The following BTBD8 variants were observed in gnomAD, a reference collection of about 807,000 sequenced individuals.
BTBD8 encodes the protein BTB/POZ domain-containing protein 8.
Under a neutral mutation model 162.9 loss-of-function variants are expected in BTBD8, and 110 were observed. The ratio of observed to expected loss-of-function variants is 0.68; its 90% CI spans 0.58 to 0.79. BTBD8 has a LOEUF of 0.79. Ranked by LOEUF, BTBD8 falls within the 30% of genes least tolerant of loss-of-function variation. The pLI is 0.00. For missense variants in BTBD8, 1,905 were observed against 2,085.4 expected, an observed-to-expected ratio of 0.91 and a Z score of 1.68; for synonymous variants, 667 against 716.1, an observed-to-expected ratio of 0.93 and a Z score of 1.10.
Position 92,182,200 on chromosome 1 carries a change from G to C in BTBD8, c.4517G>C (p.Ser1506Thr). ...GAATGTAAACAAAATAAAGGCAATA[G>C]TGTATGTAAAAATGAAAGCACTGTC... ...ILECKQNKGN[S>T]VCKNESTVLD... The change falls in exon 17 of 18, where the codon AGT (serine) becomes ACT (threonine). Residue 1506 changes from serine (S) to threonine (T), a missense_variant. This residue lies in a region of BTBD8 where 517 missense variants were observed against 606.6 expected (regional missense o/e 0.85). Coordinates refer to ENST00000636805, the MANE Select transcript of BTBD8 (RefSeq NM_001376131.1). 3.2e-6 allele frequency: 5 copies of C among 1,550,600 alleles called. No individual in the cohort carries two copies. Among genetic ancestry groups the C allele is most frequent in the Non-Finnish European group, 4.4e-6 (5 of 1,146,678 alleles).
intron 9 of BTBD8, among the ~76,000 whole-genome samples, chr1:92,149,592 G>A (rs1292949419): frequency 2.0e-5 from 3 of 152,144 alleles, no homozygotes; most frequent in African/African-American, 7.2e-5. Flanking sequence ...TAGTTAGAGT[G>A]GCCAAAAGAG....
At position 92,168,801 on chromosome 1, in the gene BTBD8, GAAT is replaced by G. The variant is rs1328091275; in HGVS notation, c.1444-61_1444-59del. The G allele has an allele frequency of 2.1e-6, 3 of 1,414,496 alleles. No homozygotes were observed. The African/African-American group carries it at 4.2e-5, about 20-fold the overall frequency. The allele number at this position is 1,414,496 out of a possible 1,614,324, so 87.6% of individuals were successfully genotyped here. A position where few individuals can be genotyped will look rare whatever the true frequency, so the allele number is the denominator to read the frequency against. On this transcript the variant is annotated intron_variant, in intron 11 of 17. Transcript: ENST00000636805. The stretch of plus-strand genomic sequence containing the variant: ...CTTAGGAGTAAGTAGATTCTGAAAG[GAAT>G]AATGACTGGTTGCTATGACAATGTG...
chr1:92,118,975 G>A (rs1052562945), intron 4 of BTBD8, among the ~76,000 whole-genome samples: 8 of 151,038 alleles, frequency 5.3e-5, no homozygotes, highest in African/African-American at 2.0e-4. Context: ...AAAGACAAAC[G>A]ATACACCTAT....
intron 9 of BTBD8, among the ~76,000 whole-genome samples, chr1:92,154,292 C>A (rs1650108732): frequency 6.6e-6 from 1 of 152,142 alleles, no homozygotes; most frequent in Non-Finnish European, 1.5e-5. Context: ...CAGGTTAACA[C>A]AAATACCCAG....
chr1:92,158,023 T>C (rs1328693810), intron 9 of BTBD8, among the ~76,000 whole-genome samples: 1 of 152,234 alleles, frequency 6.6e-6, no homozygotes, highest in Non-Finnish European at 1.5e-5. Context: ...AGTTTTGACT[T>C]AAGGTCTATT....
At chr1:92,131,170 C>T (rs761688181) in intron 5 of BTBD8, among the ~76,000 whole-genome samples, 1 of 152,116 alleles carries the variant, frequency 6.6e-6, no homozygotes, top group Non-Finnish European at 1.5e-5. Context: ...AGGAGATCTT[C>T]AGAAATATAC....
chr1:92,181,896 G>A lies in BTBD8; in HGVS notation c.4213G>A (p.Ala1405Thr), dbSNP rs1275945238. The A allele has an allele frequency of 6.4e-7, 1 of 1,551,336 alleles. No individual in the cohort carries two copies. The highest frequency in any genetic ancestry group is 1.2e-5 in the South Asian group (1 of 84,030). The change falls in exon 17 of 18, where the codon GCT (alanine) becomes ACT (threonine). Residue 1405 changes from alanine (A) to threonine (T), a missense_variant. Transcript: ENST00000636805. ...AGAAAATTTCTCTATATCTAACCCA[G>A]CTCCTCAGCAGTTTCAGGGAATAAT... ...VAENFSISNP[A>T]PQQFQGIINL...
rs1032513045 is a variant in BTBD8 at position 92,175,646 on chromosome 1, A to G, written c.1636-1183A>G. Among the ~76,000 whole-genome samples the G allele has an allele frequency of 9.9e-5, 15 of 151,632 alleles. 1 individual carries two copies. The highest frequency in any genetic ancestry group is 8.5e-4 in the Admixed American group (13 of 15,224). On this transcript the variant is annotated intron_variant, in intron 13 of 17. Transcript: ENST00000636805. The stretch of plus-strand genomic sequence containing the variant: ...CCTCTCTCTACTAAAATACAAAAAA[A>G]TTAGCCAAGTGTGGTGGCATGTGCC...
At chr1:92,164,787 A>G (rs748066765) in intron 9 of BTBD8, among the ~76,000 whole-genome samples, 62 of 150,626 alleles carry the variant, frequency 4.1e-4, no homozygotes, top group Non-Finnish European at 7.0e-4. Flanking sequence ...TCAGCTTCCC[A>G]AGTAGCTGGG....
At position 92,183,535 on chromosome 1, in the gene BTBD8, C is replaced by A. The variant is rs180802017; in HGVS notation, c.4913-329C>A. Among the ~76,000 whole-genome samples, 645 of 150,572 alleles carry A rather than the reference C, an allele frequency of 4.3e-3. 6 individuals carry two copies. The highest frequency in any genetic ancestry group is 0.015 in the African/African-American group (611 of 41,128). On this transcript the variant is annotated intron_variant, in intron 17 of 17. Coordinates refer to ENST00000636805, the MANE Select transcript of BTBD8 (RefSeq NM_001376131.1). ...AAAACACTATGTCTTTTTTTTTTCT[C>A]TTTTTCTATTGTAGTGAATTAGATA... is the stretch of plus-strand genomic sequence containing the variant.
chr1:92,108,440 G>A (rs1042089021), intron 4 of BTBD8, among the ~76,000 whole-genome samples: 7 of 152,208 alleles, frequency 4.6e-5, no homozygotes, highest in African/African-American at 4.8e-5. Context: ...TGAATGACAT[G>A]TATTTTCTCT....
In BTBD8 at chr1:92,089,936, A is replaced by G. The variant is rs115577812; in HGVS notation, c.347+1041A>G. ...ACTCAGAATTGTCATCAGCTAAATA[A>G]TGGGAGAAACTAGTTTAAATTAATC... On this transcript the variant is annotated intron_variant, in intron 2 of 17. Transcript: ENST00000636805. Among the ~76,000 whole-genome samples the G allele has an allele frequency of 4.0e-3, 604 of 152,318 alleles. 3 individuals carry two copies. Among genetic ancestry groups the G allele is most frequent in the African/African-American group, 0.014 (586 of 41,564 alleles).
intron 7 of BTBD8, among the ~76,000 whole-genome samples, chr1:92,142,147 G>GA (rs1328446987): frequency 2.0e-5 from 3 of 152,244 alleles, no homozygotes; most frequent in Admixed American, 6.5e-5. Context: ...TTCCTTTAAC[G>GA]AACCATTCAC....
chr1:92,165,875 C>G (rs186534734), intron 9 of BTBD8, among the ~76,000 whole-genome samples: 60 of 152,248 alleles, frequency 3.9e-4, no homozygotes, highest in African/African-American at 1.4e-3. Flanking sequence ...AGTCTAGATT[C>G]AAGACTGAGG....
At chr1:92,142,851 C>T (rs1040886284) in intron 7 of BTBD8, among the ~76,000 whole-genome samples, 3 of 152,208 alleles carry the variant, frequency 2.0e-5, no homozygotes, top group Non-Finnish European at 4.4e-5. Context: ...AAGCTAAGGA[C>T]ATCTCCCTAC....
chr1:92,181,501 G>A lies in BTBD8; in HGVS notation c.3818G>A (p.Gly1273Glu). ...AGATCTGAAGACTATGATGCTGGAG[G>A]GTCTCAGGATGATGATGGGTCAAAT... ...KPRSEDYDAG[G>E]SQDDDGSNDR... The change falls in exon 17 of 18, where the codon GGG becomes GAG. Residue 1273 changes from glycine (G) to glutamate (E), a missense_variant. Around this residue, in one of 3 missense-constraint regions of BTBD8, gnomAD observed 517 missense variants for 606.6 expected, o/e 0.85. Coordinates refer to ENST00000636805, the MANE Select transcript of BTBD8 (RefSeq NM_001376131.1). 1 of 1,551,612 alleles carries A rather than the reference G, an allele frequency of 6.4e-7. No homozygotes were observed. The highest frequency in any genetic ancestry group is 8.7e-7 in the Non-Finnish European group (1 of 1,146,960).
chr1:92,147,286 G>T lies in BTBD8; in HGVS notation c.1019+18G>T. On this transcript the variant is annotated intron_variant, in intron 8 of 17. Transcript: ENST00000636805. The stretch of plus-strand genomic sequence containing the variant: ...TGCATGAAGTAAGTTATGTTAAGTA[G>T]TGCTGATACTATTAATTTAGGGATT... 1 of 1,556,924 alleles carries T rather than the reference G, an allele frequency of 6.4e-7. No individual in the cohort carries two copies. Among genetic ancestry groups the T allele is most frequent in the Non-Finnish European group, 8.8e-7 (1 of 1,138,330 alleles).
chr1:92,144,414 A>C (rs150397295), intron 7 of BTBD8, among the ~76,000 whole-genome samples: 1 of 152,068 alleles, frequency 6.6e-6, no homozygotes, highest in Middle Eastern at 3.2e-3. Context: ...CAATAATTTC[A>C]TTAGCTTCAC....
At chr1:92,139,282 A>G in intron 5 of BTBD8, 68 bp from the exon 6 acceptor site, 1 of 1,490,874 alleles carries the variant, frequency 6.7e-7, no homozygotes, top group Non-Finnish European at 8.9e-7. Flanking sequence ...AGTTTATGGG[A>G]AAATAGAATG....
Sources: gnomAD v4.1 joint callset for allele counts (sites outside exome capture counted in the v4.1 genomes callset) on GRCh38, gnomAD v4.1.1 for gene constraint, gnomAD v4.1.1 regional missense constraint, MANE v1.5 for transcripts, NCBI Gene and HGNC (gene_info 2026-07-23, HGNC 2026-07-21) for gene names.